Variants in ELMO1 observed in about 807,000 individuals in gnomAD.
ELMO1 encodes engulfment and cell motility protein 1.
ELMO1 carries 26 observed loss-of-function variants against 98.9 expected under a neutral mutation model. That is an observed-to-expected ratio of 0.26 (90% confidence interval 0.19 to 0.36). The LOEUF (loss-of-function observed/expected upper bound fraction) is 0.36, where lower values mean the gene tolerates loss of function less well. Ranked by LOEUF, ELMO1 falls within the 10% of genes least tolerant of loss-of-function variation. The probability of loss-of-function intolerance (pLI) is 1.00; values close to 1 mark genes in which losing one functional copy is unlikely to be tolerated. For synonymous variants in ELMO1, 346 were observed against 346.0 expected (o/e 1.00, Z 0.00); for missense variants, 627 against 935.2 (o/e 0.67, Z 4.30).
chr7:37,415,153 A>G (rs1804159785), intron 1 of ELMO1, among the ~76,000 whole-genome samples: 1 of 152,186 alleles, frequency 6.6e-6, no homozygotes, highest in Non-Finnish European at 1.5e-5. Flanking sequence ...TTTTAAATCC[A>G]CACTCATTTC....
chr7:37,080,388 G>T (rs1797800349), intron 15 of ELMO1, among the ~76,000 whole-genome samples: 1 of 150,866 alleles, frequency 6.6e-6, no homozygotes, highest in Admixed American at 6.6e-5. Context: ...AGCCAAATTG[G>T]TTACAAGGGC....
chr7:37,129,231 T>C (rs1484430468), intron 14 of ELMO1, among the ~76,000 whole-genome samples: 1 of 145,166 alleles, frequency 6.9e-6, no homozygotes, highest in Non-Finnish European at 1.5e-5. Flanking sequence ...GGGCCAGGCA[T>C]GGTCCCTTGA....
intron 16 of ELMO1, among the ~76,000 whole-genome samples, chr7:36,998,874 A>G (rs1448919031): frequency 6.6e-6 from 1 of 152,122 alleles, no homozygotes; most frequent in Admixed American, 6.5e-5. Flanking sequence ...AACTGAGGCA[A>G]TGACTTCAGA....
chr7:37,331,637 C>T (rs947899797), intron 2 of ELMO1, among the ~76,000 whole-genome samples: 3 of 151,924 alleles, frequency 2.0e-5, no homozygotes, highest in Non-Finnish European at 2.9e-5. Context: ...CAACACACAC[C>T]GATGTTTAAG....
intron 16 of ELMO1, among the ~76,000 whole-genome samples, chr7:37,002,419 A>T (rs1190262723): frequency 6.6e-6 from 1 of 152,246 alleles, no homozygotes; most frequent in Non-Finnish European, 1.5e-5. Context: ...CCAGCCATTC[A>T]ATCTATCACA....
intron 13 of ELMO1, among the ~76,000 whole-genome samples, chr7:37,169,150 C>T (rs200360757): frequency 6.6e-6 from 1 of 152,114 alleles, no homozygotes; most frequent in Non-Finnish European, 1.5e-5. Context: ...GAGCCAGGTG[C>T]GGGATATAAT....
At chr7:37,057,170 GTTTTACATTA>G (rs1796430402) in intron 15 of ELMO1, among the ~76,000 whole-genome samples, 2 of 151,848 alleles carry the variant, frequency 1.3e-5, no homozygotes, top group South Asian at 4.2e-4. Flanking sequence ...CCAATCGCAG[GTTTTACATTA>G]TTTTTTCCTT....
chr7:36,985,811 C>G, intron 16 of ELMO1: 2 of 696,280 alleles, frequency 2.9e-6, no homozygotes, highest in Non-Finnish European at 3.6e-6. Context: ...AATGCCCGCT[C>G]CTCCATGTGC....
At chr7:37,136,342 A>C (rs1563026460) in intron 13 of ELMO1, among the ~76,000 whole-genome samples, 2 of 152,182 alleles carry the variant, frequency 1.3e-5, no homozygotes, top group African/African-American at 2.4e-5. Flanking sequence ...CCTTGCTAGA[A>C]ATCTAGACAA....
intron 6 of ELMO1, among the ~76,000 whole-genome samples, chr7:37,251,994 G>A (rs1795373594): frequency 6.6e-6 from 1 of 152,112 alleles, no homozygotes; most frequent in Non-Finnish European, 1.5e-5. Context: ...GCTACAAAGA[G>A]AATATAATAC....
chr7:36,948,298 AG>A (rs1787674788), intron 16 of ELMO1, among the ~76,000 whole-genome samples: 1 of 152,130 alleles, frequency 6.6e-6, no homozygotes, highest in Non-Finnish European at 1.5e-5. Context: ...AGGCAATGTG[AG>A]GGACCCAAGT....
intron 16 of ELMO1, among the ~76,000 whole-genome samples, chr7:36,918,519 T>G (rs1446129059): frequency 2.0e-5 from 3 of 152,240 alleles, no homozygotes; most frequent in African/African-American, 7.2e-5. Context: ...AAAATTCAGA[T>G]AATCAGGCCC....
At chr7:37,379,463 C>T (rs1802498218) in intron 1 of ELMO1, among the ~76,000 whole-genome samples, 1 of 152,180 alleles carries the variant, frequency 6.6e-6, no homozygotes, top group Non-Finnish European at 1.5e-5. Flanking sequence ...AGCTCATCTA[C>T]TGATCTTGCT....
chr7:37,128,279 T>C (rs73692624), intron 14 of ELMO1, among the ~76,000 whole-genome samples: 4,426 of 152,290 alleles, frequency 0.029, 70 homozygotes, highest in Middle Eastern at 0.065. Context: ...TACCATTATC[T>C]TGTCTCTGAA....
chr7:37,286,780 C>T (rs1797412807), intron 4 of ELMO1, among the ~76,000 whole-genome samples: 4 of 152,112 alleles, frequency 2.6e-5, no homozygotes, highest in Admixed American at 2.6e-4. Flanking sequence ...TTTTCCTAGT[C>T]ATGGATGTCT....
chr7:36,880,110 C>G (rs1804321040), intron 18 of ELMO1, among the ~76,000 whole-genome samples: 1 of 152,218 alleles, frequency 6.6e-6, no homozygotes, highest in Non-Finnish European at 1.5e-5. Context: ...CTGGAGAAAT[C>G]TGCTATAAAG....
chr7:37,142,235 A>G (rs1348815520), intron 13 of ELMO1, among the ~76,000 whole-genome samples: 1 of 152,248 alleles, frequency 6.6e-6, no homozygotes, highest in Non-Finnish European at 1.5e-5. Context: ...ATATTTTGTA[A>G]TGTTTTTAGT....
In ELMO1 at chr7:37,240,897, C is replaced by T. The variant is rs1179196961; in HGVS notation, c.449+3459G>A. Among the ~76,000 whole-genome samples, 5 of 152,052 alleles carry T rather than the reference C, an allele frequency of 3.3e-5. No homozygotes were observed. The East Asian group carries it at 9.6e-4, about 29-fold the overall frequency. ...CCTTACTATGGACTATTTTGATGAA[C>T]ATTCCATGTGCATTTGAAAATAATG... is the stretch of plus-strand genomic sequence containing the variant. On this transcript the variant is annotated intron_variant, in intron 7 of 21. Transcript: ENST00000310758.
intron 14 of ELMO1, among the ~76,000 whole-genome samples, chr7:37,132,226 A>C (rs2129298805): frequency 6.6e-6 from 1 of 152,318 alleles, no homozygotes; most frequent in South Asian, 2.1e-4. Context: ...AGAATCCAAC[A>C]GAGAATATGA....
Sources: allele counts gnomAD v4.1 joint callset (sites outside exome capture counted in the v4.1 genomes callset), GRCh38; gene constraint gnomAD v4.1.1; transcripts MANE v1.5; gene names NCBI Gene and HGNC (gene_info 2026-07-23, HGNC 2026-07-21).